The following P2RY14 variants were observed in gnomAD, a reference collection of about 807,000 sequenced individuals.
P2RY14 encodes the protein P2Y purinoceptor 14.
Under a neutral mutation model 0.9 loss-of-function variants are expected in P2RY14, and 2 were observed. The observed-to-expected ratio is 2.16, with a 90% confidence interval of 0.88 to 6.79. The LOEUF (loss-of-function observed/expected upper bound fraction) is 6.79. Ranked by LOEUF, P2RY14 falls within the 30% of genes most tolerant of loss-of-function variation. The pLI is 0.05. For synonymous variants in P2RY14, 158 were observed against 147.2 expected (o/e 1.07, Z -0.53); for missense variants, 378 against 400.1 (o/e 0.94, Z 0.47).
intron 1 of P2RY14, among the ~76,000 whole-genome samples, chr3:151,250,347 T>G (rs1399201493): frequency 6.6e-6 from 1 of 152,214 alleles, no homozygotes; most frequent in Non-Finnish European, 1.5e-5. Context: ...TACATTCACA[T>G]TGTTGTGTAA....
At chr3:151,217,451 T>C (rs1728461677) in intron 2 of P2RY14, among the ~76,000 whole-genome samples, 1 of 152,196 alleles carries the variant, frequency 6.6e-6, no homozygotes, top group Non-Finnish European at 1.5e-5. Context: ...CCACTTTGAG[T>C]TGGATGGAAG....
intron 1 of P2RY14, among the ~76,000 whole-genome samples, chr3:151,221,091 G>A (rs1229383975): frequency 6.6e-6 from 1 of 152,168 alleles, no homozygotes; most frequent in Non-Finnish European, 1.5e-5. Flanking sequence ...TTCTTGTTAT[G>A]TTTTAGCAAA....
chr3:151,267,254 T>A (rs960682312), intron 1 of P2RY14, among the ~76,000 whole-genome samples: 1 of 152,266 alleles, frequency 6.6e-6, no homozygotes. Flanking sequence ...TGAAAAGGAT[T>A]GTACATTGTC....
intron 2 of P2RY14, among the ~76,000 whole-genome samples, chr3:151,215,453 CTTAAA>C (rs1261708947): frequency 6.6e-6 from 1 of 152,104 alleles, no homozygotes; most frequent in African/African-American, 2.4e-5. Context: ...TATTATTACT[CTTAAA>C]TTTAACTTAA....
chr3:151,214,320 G>C lies in P2RY14; in HGVS notation c.-4C>G. 6.2e-7 allele frequency: 1 copy of C among 1,610,430 alleles called. No homozygotes were observed. On this transcript the variant is annotated 5_prime_UTR_variant, in exon 3 of 3. Transcript: ENST00000309170. ...GTGTGGAGGTTGAATTGATCATCTT[G>C]TAACTTCTGAAGGCAGAGGCCTGAA...
chr3:151,238,248 G>A (rs1340723467), intron 1 of P2RY14, among the ~76,000 whole-genome samples: 1 of 152,252 alleles, frequency 6.6e-6, no homozygotes, highest in Non-Finnish European at 1.5e-5. Context: ...CCAGGTTCAA[G>A]CAATTCTCCT....
At chr3:151,267,296 A>G (rs1053066174) in intron 1 of P2RY14, among the ~76,000 whole-genome samples, 2 of 152,230 alleles carry the variant, frequency 1.3e-5, no homozygotes, top group Non-Finnish European at 2.9e-5. Flanking sequence ...ATGAAGTGCT[A>G]TTAAGGAAAT....
intron 1 of P2RY14, among the ~76,000 whole-genome samples, chr3:151,266,047 G>C (rs1156852037): frequency 2.0e-5 from 3 of 152,168 alleles, no homozygotes; most frequent in Non-Finnish European, 4.4e-5. Flanking sequence ...ACTTAGATTC[G>C]ACTTGGCAGT....
intron 1 of P2RY14, among the ~76,000 whole-genome samples, chr3:151,255,416 C>T (rs988490435): frequency 6.7e-6 from 1 of 149,650 alleles, no homozygotes; most frequent in African/African-American, 2.5e-5. Flanking sequence ...GGAAAGTCCA[C>T]GGCAGTTAAA....
intron 1 of P2RY14, among the ~76,000 whole-genome samples, chr3:151,241,363 T>C (rs1376636880): frequency 6.6e-6 from 1 of 152,248 alleles, no homozygotes; most frequent in Non-Finnish European, 1.5e-5. Context: ...GCCTAGATTT[T>C]ATTGTAGTTT....
chr3:151,267,041 A>G (rs1045233656), intron 1 of P2RY14, among the ~76,000 whole-genome samples: 1 of 152,212 alleles, frequency 6.6e-6, no homozygotes, highest in African/African-American at 2.4e-5. Context: ...AGTACAAAAG[A>G]CTTTTTCCTA....
chr3:151,230,239 G>T (rs1731383241), intron 1 of P2RY14, among the ~76,000 whole-genome samples: 1 of 152,232 alleles, frequency 6.6e-6, no homozygotes, highest in African/African-American at 2.4e-5. Context: ...CTCCTAAAGT[G>T]CTGGGATTAC....
At chr3:151,216,470 G>A (rs1217264952) in intron 2 of P2RY14, among the ~76,000 whole-genome samples, 2 of 152,192 alleles carry the variant, frequency 1.3e-5, no homozygotes. Flanking sequence ...GTACATCCAT[G>A]TAAACTTGTG....
chr3:151,273,176 A>G (rs866823707), intron 1 of P2RY14, among the ~76,000 whole-genome samples: 7 of 147,902 alleles, frequency 4.7e-5, no homozygotes, highest in African/African-American at 1.5e-4. Context: ...ACACTATGTT[A>G]TTGGGAAAGA....
At chr3:151,219,462 G>T (rs1476809223) in intron 2 of P2RY14, 73 bp downstream of exon 2, 3 of 152,220 alleles carry the variant, frequency 2.0e-5, no homozygotes, top group East Asian at 3.9e-4. Context: ...GTGAAGAAAA[G>T]AATTTTTTCT....
At chr3:151,245,176 A>G (rs1735130747) in intron 1 of P2RY14, among the ~76,000 whole-genome samples, 1 of 152,238 alleles carries the variant, frequency 6.6e-6, no homozygotes, top group Non-Finnish European at 1.5e-5. Context: ...TCACAGCTGA[A>G]TTCTACCAGA....
intron 1 of P2RY14, chr3:151,261,489 T>C (rs1738875272): frequency 6.6e-6 from 1 of 152,126 alleles, no homozygotes; most frequent in Non-Finnish European, 1.5e-5. Context: ...TTACTTCCGT[T>C]AGAGAGGTTG....
chr3:151,255,318 T>C (rs928502016), intron 1 of P2RY14, among the ~76,000 whole-genome samples: 7 of 152,172 alleles, frequency 4.6e-5, no homozygotes, highest in African/African-American at 1.7e-4. Flanking sequence ...TGACATGCAG[T>C]GTGACTTAAA....
At chr3:151,224,216 T>C (rs557600238) in intron 1 of P2RY14, among the ~76,000 whole-genome samples, 1 of 152,340 alleles carries the variant, frequency 6.6e-6, no homozygotes, top group South Asian at 2.1e-4. Flanking sequence ...CTTTTTTCAG[T>C]TCTTATAAAG....
Sources: allele counts gnomAD v4.1 joint callset (sites outside exome capture counted in the v4.1 genomes callset), GRCh38; gene constraint gnomAD v4.1.1; transcripts MANE v1.5; gene names NCBI Gene and HGNC (gene_info 2026-07-23, HGNC 2026-07-21).